Variants in SLC25A23 observed in about 807,000 individuals in gnomAD.
SLC25A23 encodes the protein mitochondrial adenyl nucleotide antiporter SLC25A23.
SLC25A23 carries 32 observed loss-of-function variants against 53.9 expected under a neutral mutation model. That is an observed-to-expected ratio of 0.59 (90% CI 0.45 to 0.80). The LOEUF (loss-of-function observed/expected upper bound fraction) is 0.80. Among genes scored for constraint, SLC25A23 ranks in the 30% least tolerant of loss-of-function variants. SLC25A23 has a pLI of 0.00. For missense variants in SLC25A23, 575 were observed against 651.4 expected (o/e 0.88, Z 1.28); for synonymous variants, 275 against 264.5 (o/e 1.04, Z -0.38).
In SLC25A23 at chr19:6,454,063, T is replaced by C; in HGVS notation, c.821A>G (p.Gln274Arg). The stretch of plus-strand genomic sequence containing the variant: ...GCGCTCCTGCACATGCAGTGTCTCC[T>C]GCTGCCCCAGGATGGCCCTCTTGAT... ...EQIKRAILGQ[Q>R]ETLHVQERFV... The change falls in exon 7 of 10, where the codon CAG becomes CGG. Residue 274 changes from glutamine to arginine, a missense_variant. Transcript: ENST00000301454. This position sits in a 1 kb window ranked among gnomAD's most constrained non-coding sequence, Gnocchi z 4.3. 6.2e-7 allele frequency: 1 copy of C among 1,613,472 alleles called. No individual in the cohort carries two copies. Among genetic ancestry groups the C allele is most frequent in the Non-Finnish European group, 8.5e-7 (1 of 1,179,898 alleles).
chr19:6,443,846 G>C (rs568155727), intron 9 of SLC25A23, among the ~76,000 whole-genome samples: 1 of 152,222 alleles, frequency 6.6e-6, no homozygotes, highest in Admixed American at 6.5e-5. Flanking sequence ...TCCCGCTCAC[G>C]ATAACCCAGG....
At chr19:6,443,796 C>A in intron 9 of SLC25A23, 1 of 599,508 alleles carries the variant, frequency 1.7e-6, no homozygotes, top group Non-Finnish European at 3.0e-6. Context: ...AAAACAATAA[C>A]CACTCTGGCC....
chr19:6,455,459 A>G (rs1262389125), intron 4 of SLC25A23, among the ~76,000 whole-genome samples: 1 of 151,896 alleles, frequency 6.6e-6, no homozygotes, highest in Non-Finnish European at 1.5e-5. Flanking sequence ...TCTCCTCCAC[A>G]TGGAGTCCCC....
rs760120807 is a variant in SLC25A23, at chr19:6,459,643, G to A, written c.-15C>T. On this transcript the variant is annotated 5_prime_UTR_variant, in exon 1 of 10. Transcript: ENST00000301454. The surrounding 1 kb of genome is among the most constrained non-coding windows in gnomAD (Gnocchi z 4.6). Reference sequence around the variant, plus strand: ...CTCCCCCGCATGGCGCCCGCCCGGGGGGGAGGGGAGGCCCGGCAGCGGCGG... The same window carrying A: ...CTCCCCCGCATGGCGCCCGCCCGGGAGGGAGGGGAGGCCCGGCAGCGGCGG... 8.6e-6 allele frequency: 12 copies of A among 1,394,672 alleles called. No individual in the cohort carries two copies. The Admixed American group carries it at 3.6e-4, about 42-fold the overall frequency. The allele number at this position is 1,394,672 out of a possible 1,614,324, so 86.4% of individuals were successfully genotyped here.
At chr19:6,448,249 G>A (rs2092535024) in intron 8 of SLC25A23, among the ~76,000 whole-genome samples, 1 of 152,184 alleles carries the variant, frequency 6.6e-6, no homozygotes, top group Admixed American at 6.5e-5. Context: ...ATTGTGTTGA[G>A]CAGGACTCAG....
intron 8 of SLC25A23, among the ~76,000 whole-genome samples, chr19:6,447,093 T>C (rs1435594950): frequency 6.6e-6 from 1 of 152,174 alleles, no homozygotes; most frequent in Admixed American, 6.5e-5. Context: ...ACCTTGATTT[T>C]GCACTTCTGG....
intron 3 of SLC25A23, among the ~76,000 whole-genome samples, chr19:6,456,793 C>G (rs1029607386): frequency 6.6e-6 from 1 of 152,118 alleles, no homozygotes; most frequent in Non-Finnish European, 1.5e-5. Context: ...GATTCTCCTG[C>G]CTCAGCCTCC....
At chr19:6,438,804 G>T, downstream of SLC25A23, 1 of 327,924 alleles carries the variant, frequency 3.0e-6, no homozygotes, top group Non-Finnish European at 6.6e-6. Context: ...ATCTGAAATC[G>T]AGCCACTGTA....
chr19:6,455,901 T>C, intron 4 of SLC25A23: 1 of 645,430 alleles, frequency 1.5e-6, no homozygotes, highest in Non-Finnish European at 2.3e-6. Flanking sequence ...TTAATATTTT[T>C]GTAGAGACGG....
At chr19:6,449,025 A>G (rs568851954) in intron 8 of SLC25A23, among the ~76,000 whole-genome samples, 48 of 151,570 alleles carry the variant, frequency 3.2e-4, no homozygotes, top group African/African-American at 9.9e-4. Flanking sequence ...CTCTGTCTCA[A>G]AAAAAAAGAA....
downstream of SLC25A23, among the ~76,000 whole-genome samples, chr19:6,439,419 A>G (rs956519316): frequency 6.6e-6 from 1 of 151,634 alleles, no homozygotes; most frequent in Non-Finnish European, 1.5e-5. Context: ...ACACACACAC[A>G]CACACACACA....
At chr19:6,450,323 C>T (rs989070046) in intron 8 of SLC25A23, among the ~76,000 whole-genome samples, 10 of 152,116 alleles carry the variant, frequency 6.6e-5, no homozygotes, top group East Asian at 1.9e-4. Context: ...TGTGATAATA[C>T]GCCCAACCCA....
chr19:6,451,849 GAGA>G (rs2092596743), intron 8 of SLC25A23, among the ~76,000 whole-genome samples: 1 of 52,180 alleles, frequency 1.9e-5, no homozygotes, highest in African/African-American at 1.8e-4. Flanking sequence ...TTTTTTTTTT[GAGA>G]AGGAGTCTCG....
At chr19:6,436,791 A>G (rs901968901), downstream of SLC25A23, among the ~76,000 whole-genome samples, 27 of 147,574 alleles carry the variant, frequency 1.8e-4, no homozygotes, top group African/African-American at 6.1e-4. Flanking sequence ...CAGGTGATTC[A>G]CCCGCCTCGG....
intron 9 of SLC25A23, 38 bp from the exon 10 acceptor site, chr19:6,442,197 G>A (rs760114982): frequency 9.9e-6 from 14 of 1,409,914 alleles, no homozygotes; most frequent in Middle Eastern, 2.3e-4. Context: ...TAAGGCCAAC[G>A]TTCCCCTTTC....
intron 8 of SLC25A23, among the ~76,000 whole-genome samples, chr19:6,451,297 G>A (rs1160623385): frequency 2.0e-5 from 3 of 151,774 alleles, no homozygotes; most frequent in African/African-American, 4.8e-5. Flanking sequence ...ACTGAGGCAG[G>A]AGAATTGCTT....
intron 8 of SLC25A23, among the ~76,000 whole-genome samples, chr19:6,447,810 G>A (rs1193196331): frequency 6.6e-6 from 1 of 152,092 alleles, no homozygotes; most frequent in Non-Finnish European, 1.5e-5. Flanking sequence ...AGCTGGGATT[G>A]CAGGCACACA....
At position 6,446,256 on chromosome 19, in the gene SLC25A23, A is replaced by G. The variant is rs1348197149; in HGVS notation, c.1072-1955T>C. 3.3e-5 allele frequency among the ~76,000 whole-genome samples: 5 copies of G among 151,828 alleles called. No homozygotes were observed. The East Asian group carries it at 9.7e-4, about 29-fold the overall frequency. ...CAGGCACCTGTAATCCCAGCTACTC[A>G]GGAAGCTGAGGCAGGAGAATCGCCT... is the stretch of plus-strand genomic sequence containing the variant. On this transcript the variant is annotated intron_variant, in intron 8 of 9. Transcript: ENST00000301454.
intron 8 of SLC25A23, among the ~76,000 whole-genome samples, chr19:6,449,740 TAG>T (rs2092559886): frequency 6.6e-6 from 1 of 151,412 alleles, no homozygotes; most frequent in Non-Finnish European, 1.5e-5. Context: ...AATTGTTTTA[TAG>T]AGACTGGTCT....
Sources: allele counts gnomAD v4.1 joint callset (sites outside exome capture counted in the v4.1 genomes callset), GRCh38; gene constraint gnomAD v4.1.1; non-coding constraint Gnocchi (gnomAD v3.1); transcripts MANE v1.5; gene names NCBI Gene and HGNC (gene_info 2026-07-23, HGNC 2026-07-21).